Variants in ZNF676 observed in about 807,000 individuals in gnomAD.
ZNF676 encodes the protein zinc finger protein 676.
In ZNF676, 4 loss-of-function variants were observed where a neutral mutation model predicts 6.0. That is an observed-to-expected ratio of 0.67 (90% CI 0.33 to 1.53). The LOEUF (loss-of-function observed/expected upper bound fraction) is 1.53, where lower values mean the gene tolerates loss of function less well. Ranked by LOEUF, ZNF676 falls within the 40% of genes most tolerant of loss-of-function variation. The pLI is 0.06. For missense variants in ZNF676, 644 were observed against 679.7 expected, an observed-to-expected ratio of 0.95 and a Z score of 0.58; for synonymous variants, 198 against 223.1, an observed-to-expected ratio of 0.89 and a Z score of 1.00.
chr19:22,237,248 A>G, the ZNF676 span, among the ~76,000 whole-genome samples: 1 of 152,154 alleles, frequency 6.6e-6, no homozygotes, highest in Non-Finnish European at 1.5e-5. Flanking sequence ...CTTTTAATCC[A>G]TATTTCAGCT....
chr19:22,186,320 A>G (rs1043922018), intron 2 of ZNF676, among the ~76,000 whole-genome samples: 24 of 152,158 alleles, frequency 1.6e-4, no homozygotes, highest in African/African-American at 5.8e-4. Flanking sequence ...CTTTACAGAC[A>G]AGCAAATGCT....
At chr19:22,216,538 G>T (rs546089786), upstream of ZNF676, among the ~76,000 whole-genome samples, 5 of 152,214 alleles carry the variant, frequency 3.3e-5, no homozygotes, top group Admixed American at 2.0e-4. Context: ...CATGAAATTT[G>T]TCATTTTTGA....
At chr19:22,208,087 T>C (rs888146943) in intron 1 of ZNF676, among the ~76,000 whole-genome samples, 2 of 150,726 alleles carry the variant, frequency 1.3e-5, no homozygotes, top group Non-Finnish European at 3.0e-5. Flanking sequence ...ATTGCAAAAG[T>C]TGACAAATGG....
the ZNF676 span, among the ~76,000 whole-genome samples, chr19:22,254,358 G>A: frequency 6.6e-6 from 1 of 152,118 alleles, no homozygotes; most frequent in Non-Finnish European, 1.5e-5. Context: ...GCAGGATGCA[G>A]GCAAAAGAAG....
chr19:22,189,873 C>A (rs939051099), intron 2 of ZNF676, among the ~76,000 whole-genome samples: 3 of 152,094 alleles, frequency 2.0e-5, no homozygotes, highest in African/African-American at 4.8e-5. Flanking sequence ...CAGGAAACAA[C>A]AGATGCTGCA....
chr19:22,207,588 A>C (rs965263621), intron 1 of ZNF676, among the ~76,000 whole-genome samples: 1 of 152,226 alleles, frequency 6.6e-6, no homozygotes, highest in African/African-American at 2.4e-5. Context: ...GAACTAAAAA[A>C]ACAACTATTT....
intron 1 of ZNF676, among the ~76,000 whole-genome samples, chr19:22,202,402 A>G (rs1415561828): frequency 6.6e-6 from 1 of 152,232 alleles, no homozygotes; most frequent in Non-Finnish European, 1.5e-5. Flanking sequence ...TTCCACCTGC[A>G]TATTTAGGGT....
At chr19:22,232,480 T>A in the ZNF676 span, among the ~76,000 whole-genome samples, 1 of 152,250 alleles carries the variant, frequency 6.6e-6, no homozygotes, top group South Asian at 2.1e-4. Context: ...GTAGCATATT[T>A]CAATACCCCA....
the ZNF676 span, among the ~76,000 whole-genome samples, chr19:22,248,836 T>C: frequency 4.6e-5 from 7 of 152,324 alleles, no homozygotes; most frequent in East Asian, 1.3e-3. Flanking sequence ...TTCAAGTGAT[T>C]CTCCTGCCTC....
chr19:22,204,433 A>G (rs2024056332), intron 1 of ZNF676, among the ~76,000 whole-genome samples: 1 of 152,200 alleles, frequency 6.6e-6, no homozygotes, highest in Admixed American at 6.5e-5. Flanking sequence ...CCTTAAATTT[A>G]TACTATTCTA....
upstream of ZNF676, among the ~76,000 whole-genome samples, chr19:22,197,298 A>G (rs568564088): frequency 1.3e-3 from 202 of 151,120 alleles, no homozygotes; most frequent in Non-Finnish European, 2.4e-3. Flanking sequence ...AGCTTGGGCA[A>G]CAAGAGTGAA....
intron 1 of ZNF676, among the ~76,000 whole-genome samples, chr19:22,206,266 C>T (rs2024075822): frequency 6.6e-6 from 1 of 152,136 alleles, no homozygotes; most frequent in Non-Finnish European, 1.5e-5. Context: ...AAAGAAGAAA[C>T]TCCTCCCCAA....
At chr19:22,255,640 TC>T in the ZNF676 span, among the ~76,000 whole-genome samples, 4 of 152,024 alleles carry the variant, frequency 2.6e-5, no homozygotes, top group Non-Finnish European at 5.9e-5. Flanking sequence ...AGTCAGGAGA[TC>T]GAGACCATCC....
At position 22,190,560 on chromosome 19, in the gene ZNF676, C is replaced by A. The variant is rs370944328; in HGVS notation, c.130+2456G>T. 3.4e-3 allele frequency among the ~76,000 whole-genome samples: 445 copies of A among 132,704 alleles called. 2 individuals are homozygous for A. The highest frequency in any genetic ancestry group is 0.011 in the African/African-American group (414 of 38,078). The allele number at this position is 132,704 out of a possible 152,430, so 87.1% of individuals were successfully genotyped here. A position where few individuals can be genotyped will look rare whatever the true frequency, so the allele number is the denominator to read the frequency against. ...AAGTTCCTGATTTCAAAAGACATTC[C>A]AAGCTACAGAATTAAAACAATCTGG... On this transcript the variant is annotated intron_variant, in intron 2 of 2. Coordinates refer to ENST00000397121, the MANE Select transcript of ZNF676 (RefSeq NM_001001411.3).
At chr19:22,201,746 A>T (rs541169951), upstream of ZNF676, among the ~76,000 whole-genome samples, 118 of 151,262 alleles carry the variant, frequency 7.8e-4, 1 homozygote, top group African/African-American at 2.6e-3. Flanking sequence ...AAAAAAAAAA[A>T]AAAAAAAAAA....
the ZNF676 span, chr19:22,243,781 A>T: frequency 6.6e-6 from 1 of 152,340 alleles, no homozygotes; most frequent in Admixed American, 6.5e-5. Context: ...TGCATTTATT[A>T]ATGAGTCACC....
rs748463985 is a variant in ZNF676, at chr19:22,181,519, C to T, written c.198G>A (p.Met66Ile). ...EQGIEDSFQKMILRRYDKCGH... is the reference protein window; with the variant it reads ...EQGIEDSFQKIILRRYDKCGH... ...CACATTTGTCATATCTTCTCAATAT[C>T]ATTTTTTGGAAAGAATCTTCTATGC... Residue 66 changes from methionine to isoleucine, a missense_variant, in exon 3 of 3, where the codon ATG becomes ATA. Around this residue, in one of 5 missense-constraint regions of ZNF676, gnomAD observed 280 missense variants for 269.3 expected, o/e 1.04. Coordinates refer to ENST00000397121, the MANE Select transcript of ZNF676 (RefSeq NM_001001411.3). The T allele has an allele frequency of 1.2e-6, 2 of 1,611,320 alleles. No individual in the cohort carries two copies. The highest frequency in any genetic ancestry group is 2.2e-5 in the South Asian group (2 of 90,652).
chr19:22,246,666 G>A, the ZNF676 span, among the ~76,000 whole-genome samples: 1 of 152,340 alleles, frequency 6.6e-6, no homozygotes, highest in African/African-American at 2.4e-5. Flanking sequence ...AAGGTCTCAG[G>A]AAAAGAGAAG....
At chr19:22,184,823 T>C (rs2023810567) in intron 2 of ZNF676, among the ~76,000 whole-genome samples, 1 of 99,640 alleles carries the variant, frequency 1.0e-5, no homozygotes, top group Non-Finnish European at 1.8e-5. Flanking sequence ...GCAGGGCATC[T>C]TTGAAAAAAA....
Sources: allele counts gnomAD v4.1 joint callset (sites outside exome capture counted in the v4.1 genomes callset), GRCh38; gene constraint gnomAD v4.1.1; regional missense constraint gnomAD v4.1.1; transcripts MANE v1.5; gene names NCBI Gene and HGNC (gene_info 2026-07-23, HGNC 2026-07-21).